RNASET2: variants seen among roughly 807,000 people sequenced by gnomAD.
The protein encoded by RNASET2 is ribonuclease 6.
RNASET2 carries 28 observed loss-of-function variants against 33.9 expected under a neutral mutation model. The observed-to-expected ratio is 0.83, with a 90% CI of 0.61 to 1.13. The LOEUF (loss-of-function observed/expected upper bound fraction) is 1.13, where lower values mean the gene tolerates loss of function less well. RNASET2 is among the 50% of genes most tolerant of loss of function. The probability of loss-of-function intolerance (pLI) is 0.00; values close to 1 mark genes in which losing one functional copy is unlikely to be tolerated. For synonymous variants in RNASET2, 123 were observed against 121.0 expected (o/e 1.02, Z -0.11); for missense variants, 330 against 319.9 (o/e 1.03, Z -0.24).
In RNASET2 at chr6:166,935,153, A is replaced by C. The variant is rs1778535366; in HGVS notation, c.447-1017T>G. ...TTCAGCCCCATCATGGCCCGAACCCACAGGACCTCGCCTACCCTAGCTGTT... is the reference window on the plus strand; with the variant it reads ...TTCAGCCCCATCATGGCCCGAACCCCCAGGACCTCGCCTACCCTAGCTGTT... On this transcript the variant is annotated intron_variant, in intron 6 of 8. Transcript: ENST00000508775. 3 of 152,190 alleles carry C rather than the reference A, an allele frequency of 2.0e-5. No homozygotes were observed. In the South Asian group the frequency reaches 6.2e-4, roughly 32 times the overall value. 9.4% of individuals were successfully genotyped at this position (152,190 alleles called of 1,614,324 possible).
rs1261305192 is a variant in RNASET2, at chr6:166,924,572, G to A, written c.*5016C>T. Reference sequence around the variant, plus strand: ...CCACAGATCCTTCCCTGCAGTTGCTGTCTCCCTTTCTTCAGGTTCCGAGGA... The same window carrying A: ...CCACAGATCCTTCCCTGCAGTTGCTATCTCCCTTTCTTCAGGTTCCGAGGA... On this transcript the variant is annotated 3_prime_UTR_variant, in exon 9 of 9. Transcript: ENST00000508775. Among the ~76,000 whole-genome samples, 1 of 152,134 alleles carries A rather than the reference G, an allele frequency of 6.6e-6. No individual in the cohort carries two copies. Among genetic ancestry groups the A allele is most frequent in the South Asian group, 2.1e-4 (1 of 4,830 alleles).
At chr6:166,932,756 C>A (rs1778478317) in intron 7 of RNASET2, 1 of 152,330 alleles carries the variant, frequency 6.6e-6, no homozygotes, top group East Asian at 1.9e-4. Flanking sequence ...AAATGTGTGG[C>A]CCCTGTGGCT....
chr6:166,947,954 A>C (rs1470699104), intron 3 of RNASET2, among the ~76,000 whole-genome samples: 3 of 152,234 alleles, frequency 2.0e-5, no homozygotes, highest in Middle Eastern at 3.2e-3. Flanking sequence ...ATGTATTTTC[A>C]TGTAGTTATT....
intron 1 of RNASET2, chr6:166,955,347 GC>G (rs1779123728): frequency 5.8e-6 from 1 of 172,356 alleles, no homozygotes; most frequent in African/African-American, 3.6e-5. Context: ...ACACGCACAC[GC>G]ACGCACACAC....
intron 4 of RNASET2, among the ~76,000 whole-genome samples, chr6:166,946,318 G>A (rs757381100): frequency 2.6e-5 from 4 of 152,286 alleles, no homozygotes; most frequent in South Asian, 2.1e-4. Flanking sequence ...AGATTCCCAC[G>A]TCGGTCATCT....
intron 2 of RNASET2, among the ~76,000 whole-genome samples, chr6:166,949,642 G>A (rs1778936947): frequency 1.3e-5 from 2 of 152,112 alleles, no homozygotes; most frequent in South Asian, 4.1e-4. Flanking sequence ...CAGTGCTGGA[G>A]AAAGAGGGTC....
At position 166,923,164 on chromosome 6, in the gene RNASET2, C is replaced by T. The variant is rs2128642417; in HGVS notation, c.*6424G>A. Among the ~76,000 whole-genome samples the T allele has an allele frequency of 6.6e-6, 1 of 151,988 alleles. No individual in the cohort carries two copies. Among genetic ancestry groups the T allele is most frequent in the East Asian group, 1.9e-4 (1 of 5,184 alleles). On this transcript the variant is annotated 3_prime_UTR_variant, in exon 9 of 9. Transcript: ENST00000508775. ...GGGTGGAGCGCAGTGGCGCAATCTCCACTCACTGCAACCTCCAGCCTCCCA... is the reference window on the plus strand; with the variant it reads ...GGGTGGAGCGCAGTGGCGCAATCTCTACTCACTGCAACCTCCAGCCTCCCA...
chr6:166,953,503 A>G (rs1441270915), intron 1 of RNASET2: 2 of 152,240 alleles, frequency 1.3e-5, no homozygotes, highest in Non-Finnish European at 2.9e-5. Flanking sequence ...TAAATAATTG[A>G]GTCCTGTTGA....
intron 8 of RNASET2, among the ~76,000 whole-genome samples, chr6:166,930,815 T>C (rs1192518091): frequency 1.5e-5 from 2 of 134,934 alleles, no homozygotes; most frequent in Non-Finnish European, 3.1e-5. Context: ...TACACACACA[T>C]GCACACATAG....
chr6:166,928,007 T>G lies in RNASET2; in HGVS notation c.*1581A>C, dbSNP rs893041361. 6.6e-6 allele frequency among the ~76,000 whole-genome samples: 1 copy of G among 152,226 alleles called. No homozygotes were observed. Among genetic ancestry groups the G allele is most frequent in the African/African-American group, 2.4e-5 (1 of 41,454 alleles). On this transcript the variant is annotated 3_prime_UTR_variant, in exon 9 of 9. Coordinates refer to ENST00000508775, the MANE Select transcript of RNASET2 (RefSeq NM_003730.6). The stretch of plus-strand genomic sequence containing the variant: ...TGACAAGGTGGGGACCCTGGACCCT[T>G]GGGCTCCGCTAGCCTTCCCCACAGC...
Position 166,955,257 on chromosome 6 carries a change from GCACA to G in RNASET2, c.86+836_86+839del, listed in dbSNP as rs145765601. On this transcript the variant is annotated intron_variant, in intron 1 of 8. Coordinates refer to ENST00000508775, the MANE Select transcript of RNASET2 (RefSeq NM_003730.6). Reference sequence around the variant, plus strand: ...CACGCACGCACACACACGCACACACGCACACACACACACGCGCACACACGACACA... The same window carrying G: ...CACGCACGCACACACACGCACACACGCACACACACGCGCACACACGACACA... 9.6e-3 allele frequency among the ~76,000 whole-genome samples: 881 copies of G among 92,044 alleles called. 44 individuals are homozygous for G. The highest frequency in any genetic ancestry group is 0.025 in the East Asian group (78 of 3,104). The allele number at this position is 92,044 out of a possible 152,430, so 60.4% of individuals were successfully genotyped here.
chr6:166,934,326 C>A, intron 6 of RNASET2, 190 bp from the exon 7 acceptor site: 1 of 603,626 alleles, frequency 1.7e-6, no homozygotes, highest in Non-Finnish European at 3.0e-6. Context: ...CTTCCCCACC[C>A]CTTAGCACAC....
chr6:166,955,293 CAG>C (rs1285449586), intron 1 of RNASET2, among the ~76,000 whole-genome samples: 62 of 58,450 alleles, frequency 1.1e-3, no homozygotes, highest in East Asian at 3.3e-3. Flanking sequence ...CACACACGCA[CAG>C]ACGCGCACAC....
intron 6 of RNASET2, among the ~76,000 whole-genome samples, chr6:166,935,920 G>A (rs928795813): frequency 3.9e-5 from 6 of 152,114 alleles, no homozygotes; most frequent in South Asian, 2.1e-4. Flanking sequence ...TGATCCACCC[G>A]CCTTGGCCTC....
intron 4 of RNASET2, chr6:166,943,929 G>A (rs1180925486): frequency 1.8e-5 from 5 of 283,196 alleles, no homozygotes; most frequent in Admixed American, 9.7e-5. Flanking sequence ...AGACCATCCT[G>A]GCCAACCTGG....
chr6:166,923,888 G>T lies in RNASET2; in HGVS notation c.*5700C>A, dbSNP rs1778268720. ...ACTTCTGAGTCTTTTCCAGCCTTCT[G>T]CAGTGATAGATCTAGCCAATATAGT... On this transcript the variant is annotated 3_prime_UTR_variant, in exon 9 of 9. Transcript: ENST00000508775. 6.6e-6 allele frequency among the ~76,000 whole-genome samples: 1 copy of T among 152,324 alleles called. No individual in the cohort carries two copies. Among genetic ancestry groups the T allele is most frequent in the Non-Finnish European group, 1.5e-5 (1 of 68,024 alleles).
intron 4 of RNASET2, chr6:166,943,699 TC>T (rs1464952947): frequency 1.5e-5 from 7 of 465,488 alleles, no homozygotes; most frequent in Non-Finnish European, 3.1e-5. Flanking sequence ...TAATAAAGTA[TC>T]AGTATCAGTT....
intron 4 of RNASET2, chr6:166,943,560 G>C: frequency 3.0e-6 from 1 of 329,034 alleles, no homozygotes; most frequent in South Asian, 2.4e-5. Context: ...AAGAAGGGGA[G>C]GTATGGCTCA....
At position 166,929,399 on chromosome 6, in the gene RNASET2, C is replaced by T. The variant is rs1268397658; in HGVS notation, c.*189G>A. 8.9e-6 allele frequency: 6 copies of T among 676,670 alleles called. No homozygotes were observed. The highest frequency in any genetic ancestry group is 3.5e-5 in the South Asian group (2 of 57,124). The allele number at this position is 676,670 out of a possible 1,614,324, so 41.9% of individuals were successfully genotyped here. ...CCCAAGCACAAAACAGCCACTCAGG[C>T]GTGGGAGAGCTCCTTTCTCCCCGTG... On this transcript the variant is annotated 3_prime_UTR_variant, in exon 9 of 9. Coordinates refer to ENST00000508775, the MANE Select transcript of RNASET2 (RefSeq NM_003730.6).
Sources: allele counts gnomAD v4.1 joint callset (sites outside exome capture counted in the v4.1 genomes callset), GRCh38; gene constraint gnomAD v4.1.1; transcripts MANE v1.5; gene names NCBI Gene and HGNC (gene_info 2026-07-23, HGNC 2026-07-21).